The following CSMD1 variants were observed in gnomAD, a reference collection of about 807,000 sequenced individuals.
CSMD1 encodes CUB and sushi domain-containing protein 1.
A neutral mutation model predicts 417.5 loss-of-function variants in CSMD1; 213 were observed. The ratio of observed to expected loss-of-function variants is 0.51; its 90% CI spans 0.46 to 0.57. The LOEUF (loss-of-function observed/expected upper bound fraction) is 0.57. Ranked by LOEUF, CSMD1 falls within the 20% of genes least tolerant of loss-of-function variation. CSMD1 has a pLI of 0.00. For synonymous variants in CSMD1, 2,862 were observed against 1,736.8 expected (o/e 1.65, Z -16.11); for missense variants, 6,923 against 4,529.7 (o/e 1.53, Z -15.17).
At chr8:4,171,385 G>C (rs1053742511) in intron 3 of CSMD1, among the ~76,000 whole-genome samples, 2 of 151,626 alleles carry the variant, frequency 1.3e-5, no homozygotes, top group South Asian at 4.2e-4. Context: ...ATTTCTTATG[G>C]TATTTATTGT....
intron 3 of CSMD1, among the ~76,000 whole-genome samples, chr8:4,055,613 A>G (rs1157197800): frequency 6.6e-6 from 1 of 152,138 alleles, no homozygotes; most frequent in Non-Finnish European, 1.5e-5. Context: ...ATTTTAATGA[A>G]TATAAAATAT....
At chr8:3,017,307 A>G (rs1279394798) in intron 52 of CSMD1, among the ~76,000 whole-genome samples, 2 of 152,128 alleles carry the variant, frequency 1.3e-5, no homozygotes, top group African/African-American at 4.8e-5. Context: ...TCCATAGCCA[A>G]TTTCAGAAGG....
chr8:4,063,843 G>A (rs988217933), intron 3 of CSMD1, among the ~76,000 whole-genome samples: 5 of 152,242 alleles, frequency 3.3e-5, no homozygotes, highest in Admixed American at 3.3e-4. Context: ...GGAACCAGGA[G>A]TAGACTATGA....
Position 3,153,273 on chromosome 8 carries a change from C to T in CSMD1, c.5915-1760G>A, listed in dbSNP as rs1819313149. Among the ~76,000 whole-genome samples, 3 of 152,208 alleles carry T rather than the reference C, an allele frequency of 2.0e-5. No individual in the cohort carries two copies. In the South Asian group the frequency reaches 6.2e-4, roughly 32 times the overall value. On this transcript the variant is annotated intron_variant, in intron 39 of 69. Coordinates refer to ENST00000635120, the MANE Select transcript of CSMD1 (RefSeq NM_033225.6). The stretch of plus-strand genomic sequence containing the variant: ...CCCTCTATGGTCTAAAAAGGGGAGG[C>T]ATGAATAACCCACCGCTTGTTTAGC...
At chr8:3,432,105 A>G (rs1814255888) in intron 12 of CSMD1, among the ~76,000 whole-genome samples, 1 of 152,222 alleles carries the variant, frequency 6.6e-6, no homozygotes, top group African/African-American at 2.4e-5. Flanking sequence ...CCCAGTTGGT[A>G]GTTATCAACC....
At chr8:3,687,557 A>C (rs138361233) in intron 7 of CSMD1, among the ~76,000 whole-genome samples, 141 of 152,326 alleles carry the variant, frequency 9.3e-4, no homozygotes, top group African/African-American at 3.1e-3. Flanking sequence ...TGTAAATGCT[A>C]TATTTTTCTT....
intron 1 of CSMD1, among the ~76,000 whole-genome samples, chr8:4,761,890 C>CTATCTACCTAT (rs1563319356): frequency 2.1e-5 from 2 of 93,604 alleles, no homozygotes; most frequent in African/African-American, 7.7e-5. Flanking sequence ...TATCTATCTA[C>CTATCTACCTAT]CTACCTATCT....
intron 26 of CSMD1, among the ~76,000 whole-genome samples, chr8:3,276,744 C>T (rs934385178): frequency 6.6e-6 from 1 of 152,090 alleles, no homozygotes; most frequent in Admixed American, 6.5e-5. Context: ...ATATTGTTTA[C>T]AGTAGATGAA....
chr8:3,270,343 A>C (rs962584627), intron 26 of CSMD1, among the ~76,000 whole-genome samples: 4 of 152,178 alleles, frequency 2.6e-5, no homozygotes, highest in African/African-American at 9.7e-5. Context: ...GGCATGAGCC[A>C]CTGCACCTGG....
At chr8:4,837,908 A>G (rs1800596940) in intron 1 of CSMD1, among the ~76,000 whole-genome samples, 1 of 152,098 alleles carries the variant, frequency 6.6e-6, no homozygotes, top group Non-Finnish European at 1.5e-5. Flanking sequence ...ATTAAAAAAA[A>G]ATAAAAATAA....
intron 12 of CSMD1, among the ~76,000 whole-genome samples, chr8:3,433,108 G>A (rs1201404881): frequency 6.6e-6 from 1 of 152,202 alleles, no homozygotes; most frequent in Non-Finnish European, 1.5e-5. Flanking sequence ...GTTTTATACA[G>A]AGATTGGAAG....
chr8:3,091,620 T>G lies in CSMD1; in HGVS notation c.7181A>C (p.Asn2394Thr). Residue 2394 changes from asparagine to threonine, a missense_variant, in exon 48 of 70, where the codon AAT becomes ACT. Coordinates refer to ENST00000635120, the MANE Select transcript of CSMD1 (RefSeq NM_033225.6). ...QSPLLVVLSGNHTEQSNFTSR... is the reference protein window; with the variant it reads ...QSPLLVVLSGTHTEQSNFTSR... ...TGTAAAATTTGATTGTTCAGTATGATTCCCACTTAAGACTACTAGCAGAGG... is the reference window on the plus strand; with the variant it reads ...TGTAAAATTTGATTGTTCAGTATGAGTCCCACTTAAGACTACTAGCAGAGG... 6.2e-7 allele frequency: 1 copy of G among 1,612,016 alleles called. No homozygotes were observed. Among genetic ancestry groups the G allele is most frequent in the Non-Finnish European group, 8.5e-7 (1 of 1,179,520 alleles).
chr8:3,979,902 G>A (rs890197102), intron 5 of CSMD1, among the ~76,000 whole-genome samples: 1 of 152,128 alleles, frequency 6.6e-6, no homozygotes, highest in Non-Finnish European at 1.5e-5. Context: ...AAACTGAAAG[G>A]CATACTCCAT....
intron 3 of CSMD1, among the ~76,000 whole-genome samples, chr8:4,116,802 A>C (rs932327414): frequency 2.0e-5 from 3 of 148,462 alleles, no homozygotes; most frequent in Non-Finnish European, 4.5e-5. Flanking sequence ...TGTCAACCTA[A>C]AACTACTCTA....
chr8:4,182,257 G>C (rs765164253), intron 3 of CSMD1, among the ~76,000 whole-genome samples: 9 of 152,002 alleles, frequency 5.9e-5, no homozygotes, highest in African/African-American at 1.4e-4. Context: ...AATATATCTA[G>C]ATTATCGTTT....
chr8:4,136,093 G>C (rs555156485), intron 3 of CSMD1, among the ~76,000 whole-genome samples: 16 of 152,192 alleles, frequency 1.1e-4, no homozygotes, highest in Non-Finnish European at 1.3e-4. Context: ...CTCAGCAAAA[G>C]GACTTCCTTT....
intron 20 of CSMD1, among the ~76,000 whole-genome samples, chr8:3,361,717 T>G (rs1585052877): frequency 6.6e-6 from 1 of 151,242 alleles, no homozygotes; most frequent in East Asian, 1.9e-4. Flanking sequence ...TTTGATATTA[T>G]TATGTGCTAT....
At chr8:3,350,868 TATATA>T (rs1234822854) in intron 21 of CSMD1, among the ~76,000 whole-genome samples, 1 of 152,200 alleles carries the variant, frequency 6.6e-6, no homozygotes, top group Non-Finnish European at 1.5e-5. Context: ...AAAAAGCAGA[TATATA>T]ATAAATGGTA....
At chr8:3,431,814 A>G (rs1002780755) in intron 12 of CSMD1, among the ~76,000 whole-genome samples, 5 of 152,194 alleles carry the variant, frequency 3.3e-5, no homozygotes, top group African/African-American at 1.2e-4. Context: ...GAGAAAACAA[A>G]TATTTTATTC....
Sources: allele counts gnomAD v4.1 joint callset (sites outside exome capture counted in the v4.1 genomes callset), GRCh38; gene constraint gnomAD v4.1.1; transcripts MANE v1.5; gene names NCBI Gene and HGNC (gene_info 2026-07-23, HGNC 2026-07-21).